TRDN: variants seen among roughly 807,000 people sequenced by gnomAD.
The protein encoded by TRDN is triadin.
TRDN carries 161 observed loss-of-function variants against 149.7 expected under a neutral mutation model. That is an observed-to-expected ratio of 1.08 (90% CI 0.95 to 1.23). The LOEUF is 1.23. Among genes scored for constraint, TRDN ranks in the 50% most tolerant of loss-of-function variants. The pLI is 0.00. For missense variants in TRDN, 896 were observed against 823.5 expected (o/e 1.09, Z -1.08); for synonymous variants, 294 against 250.5 (o/e 1.17, Z -1.64).
At chr6:123,429,483 C>T (rs1774249153) in intron 12 of TRDN, among the ~76,000 whole-genome samples, 1 of 152,052 alleles carries the variant, frequency 6.6e-6, no homozygotes, top group Non-Finnish European at 1.5e-5. Context: ...TTTACTTGCA[C>T]TGAAAGGAAA....
chr6:123,251,773 T>C (rs963953833), intron 38 of TRDN, among the ~76,000 whole-genome samples: 1 of 152,000 alleles, frequency 6.6e-6, no homozygotes, highest in Admixed American at 6.6e-5. Context: ...TTATATCCTA[T>C]ATACATAGAA....
chr6:123,287,631 T>G (rs1582824587), intron 24 of TRDN, among the ~76,000 whole-genome samples: 1 of 152,118 alleles, frequency 6.6e-6, no homozygotes, highest in East Asian at 1.9e-4. Flanking sequence ...TACTGAGACA[T>G]CAATAGATAA....
chr6:123,409,184 C>A (rs572251645), intron 12 of TRDN, among the ~76,000 whole-genome samples: 1 of 152,190 alleles, frequency 6.6e-6, no homozygotes, highest in South Asian at 2.1e-4. Flanking sequence ...ATCATATAGT[C>A]ACTTAGTGAT....
At chr6:123,290,218 C>A (rs1281764119) in intron 24 of TRDN, among the ~76,000 whole-genome samples, 19 of 152,010 alleles carry the variant, frequency 1.2e-4, no homozygotes. Flanking sequence ...ATTTTCCACA[C>A]CTATTGAGGC....
intron 10 of TRDN, chr6:123,464,318 G>T (rs781593514): frequency 1.0e-6 from 1 of 983,236 alleles, no homozygotes; most frequent in South Asian, 4.7e-5. Context: ...ATTATTAGTA[G>T]TATTAACCAC....
At chr6:123,553,806 A>G (rs1021047225) in intron 2 of TRDN, among the ~76,000 whole-genome samples, 1 of 152,104 alleles carries the variant, frequency 6.6e-6, no homozygotes, top group Admixed American at 6.5e-5. Flanking sequence ...AACTGTCCCC[A>G]TTGATTCAAT....
At chr6:123,381,462 T>TAGACTG in intron 15 of TRDN, 72 bp from the exon 16 acceptor site, 1 of 1,409,458 alleles carries the variant, frequency 7.1e-7, no homozygotes, top group East Asian at 2.5e-5. Context: ...ACATATTGAT[T>TAGACTG]AGACTGTAAT....
intron 38 of TRDN, among the ~76,000 whole-genome samples, chr6:123,246,266 A>G (rs112694210): frequency 0.046 from 7,043 of 152,222 alleles, 492 homozygotes; most frequent in African/African-American, 0.16. Flanking sequence ...ATAGAGACAC[A>G]AAAATCCCTT....
chr6:123,401,762 C>T (rs1772983664), intron 12 of TRDN, among the ~76,000 whole-genome samples: 1 of 151,996 alleles, frequency 6.6e-6, no homozygotes, highest in Non-Finnish European at 1.5e-5. Flanking sequence ...TACTGGCCAA[C>T]ATGGTGAAAC....
chr6:123,308,766 C>G (rs770075627), intron 24 of TRDN, among the ~76,000 whole-genome samples: 2 of 151,934 alleles, frequency 1.3e-5, no homozygotes, highest in Non-Finnish European at 2.9e-5. Flanking sequence ...TCATATGAAA[C>G]AGTTTGATGA....
chr6:123,635,323 AACACACACACAC>A (rs141018949), intron 1 of TRDN, among the ~76,000 whole-genome samples: 2 of 147,172 alleles, frequency 1.4e-5, no homozygotes, highest in African/African-American at 5.0e-5. Context: ...CAGAAAAGAA[AACACACACACAC>A]ACACACACAC....
chr6:123,236,258 C>G (rs1234583956), intron 38 of TRDN, among the ~76,000 whole-genome samples: 1 of 152,188 alleles, frequency 6.6e-6, no homozygotes, highest in Non-Finnish European at 1.5e-5. Flanking sequence ...TCTCTAACAG[C>G]TAATAATGTC....
At chr6:123,497,083 T>C (rs1778480751) in intron 9 of TRDN, 110 bp downstream of exon 9, 12 of 752,124 alleles carry the variant, frequency 1.6e-5, no homozygotes, top group African/African-American at 5.6e-5. Context: ...GATCTACACA[T>C]GCATTATGCA....
chr6:123,551,868 T>C (rs925075076), intron 2 of TRDN, among the ~76,000 whole-genome samples: 2 of 151,926 alleles, frequency 1.3e-5, no homozygotes, highest in East Asian at 3.9e-4. Flanking sequence ...TAAGGTCTCG[T>C]TTTGGGTGGG....
At chr6:123,322,613 TTTATTATTATTATTATTA>T (rs139658634) in intron 23 of TRDN, among the ~76,000 whole-genome samples, 66 of 140,964 alleles carry the variant, frequency 4.7e-4, no homozygotes, top group Middle Eastern at 3.6e-3. Flanking sequence ...TTTTTTAAAA[TTTATTATTATTATTATTA>T]TTATTATTAT....
chr6:123,614,307 A>AC lies in TRDN; in HGVS notation c.22+22446_22+22447insG, dbSNP rs541814901. Reference sequence around the variant, plus strand: ...CTTCATTAAAAAAAAAAACAAAAAAAAAAAAAACAAAAAAAACCCTCAAAT... The same window carrying AC: ...CTTCATTAAAAAAAAAAACAAAAAAACAAAAAAACAAAAAAAACCCTCAAAT... On this transcript the variant is annotated intron_variant, in intron 1 of 40. Transcript: ENST00000334268. 3.7e-3 allele frequency among the ~76,000 whole-genome samples: 539 copies of AC among 146,760 alleles called. 5 individuals are homozygous for AC. Among genetic ancestry groups the AC allele is most frequent in the African/African-American group, 0.013 (500 of 38,190 alleles).
chr6:123,477,949 A>T (rs1777572559), intron 9 of TRDN, among the ~76,000 whole-genome samples: 1 of 151,964 alleles, frequency 6.6e-6, no homozygotes, highest in Non-Finnish European at 1.5e-5. Flanking sequence ...TGGGAGATAT[A>T]CCTAACGCGA....
At chr6:123,326,147 T>C (rs1779443945) in intron 23 of TRDN, among the ~76,000 whole-genome samples, 1 of 152,140 alleles carries the variant, frequency 6.6e-6, no homozygotes, top group African/African-American at 2.4e-5. Context: ...ATTATTTCTC[T>C]TACTCTTGGC....
rs561051217 is a variant in TRDN at position 123,496,828 on chromosome 6, AC to A, written c.853+364del. ...GATTTTAATATGAATTGTGTTCACTACTAAGAAAAGAAAGATATTTTCATTG... is the reference window on the plus strand; with the variant it reads ...GATTTTAATATGAATTGTGTTCACTATAAGAAAAGAAAGATATTTTCATTG... On this transcript the variant is annotated intron_variant, in intron 9 of 40. Transcript: ENST00000334268. Among the ~76,000 whole-genome samples the A allele has an allele frequency of 1.2e-3, 177 of 152,228 alleles. 1 individual carries two copies. Among genetic ancestry groups the A allele is most frequent in the African/African-American group, 3.9e-3 (162 of 41,582 alleles).
Sources: allele counts gnomAD v4.1 joint callset (sites outside exome capture counted in the v4.1 genomes callset), GRCh38; gene constraint gnomAD v4.1.1; transcripts MANE v1.5; gene names NCBI Gene and HGNC (gene_info 2026-07-23, HGNC 2026-07-21).